Variants in PHACTR1 observed in about 807,000 individuals in gnomAD.
PHACTR1 encodes the protein phosphatase and actin regulator 1, also known as RPEL repeat containing 1.
A neutral mutation model predicts 69.2 loss-of-function variants in PHACTR1; 16 were observed. The observed-to-expected ratio is 0.23, with a 90% CI of 0.16 to 0.35. PHACTR1 has a LOEUF of 0.35. PHACTR1 is among the 10% of genes least tolerant of loss of function. The pLI is 1.00. For synonymous variants in PHACTR1, 312 were observed against 284.5 expected (o/e 1.10, Z -0.97); for missense variants, 510 against 734.7 (o/e 0.69, Z 3.54).
chr6:13,047,808 G>T (rs1392895906), intron 4 of PHACTR1, among the ~76,000 whole-genome samples: 4 of 151,886 alleles, frequency 2.6e-5, no homozygotes, highest in Admixed American at 2.6e-4. Flanking sequence ...GAAAGCCAAG[G>T]TGATGCCATC....
chr6:12,801,410 TGGC>T (rs1773682713), intron 4 of PHACTR1, among the ~76,000 whole-genome samples: 1 of 152,210 alleles, frequency 6.6e-6, no homozygotes. Context: ...ATGTATGGCT[TGGC>T]CATCTCATTA....
intron 3 of PHACTR1, among the ~76,000 whole-genome samples, chr6:12,747,530 G>C (rs1765950247): frequency 3.3e-5 from 5 of 152,038 alleles, no homozygotes; most frequent in South Asian, 2.1e-4. Flanking sequence ...GTTGGGCATG[G>C]TGGTGCATGC....
chr6:12,791,133 A>G (rs1290331854), intron 4 of PHACTR1, among the ~76,000 whole-genome samples: 1 of 152,184 alleles, frequency 6.6e-6, no homozygotes, highest in Non-Finnish European at 1.5e-5. Context: ...AGGAAAGACA[A>G]ATGTCCCAGA....
chr6:13,089,882 T>C (rs1366018954), intron 5 of PHACTR1, among the ~76,000 whole-genome samples: 1 of 152,202 alleles, frequency 6.6e-6, no homozygotes, highest in East Asian at 1.9e-4. Context: ...CTGTAGCATC[T>C]GCATCACTTG....
At chr6:13,256,321 G>C (rs1775190989) in intron 10 of PHACTR1, among the ~76,000 whole-genome samples, 1 of 152,238 alleles carries the variant, frequency 6.6e-6, no homozygotes, top group Non-Finnish European at 1.5e-5. Flanking sequence ...GCCTGTGATG[G>C]GAGGAGCTGC....
At chr6:13,076,666 A>G (rs890215590) in intron 5 of PHACTR1, among the ~76,000 whole-genome samples, 1 of 151,926 alleles carries the variant, frequency 6.6e-6, no homozygotes, top group East Asian at 1.9e-4. Context: ...TGGAGTGGAG[A>G]TGGCAACAGA....
intron 5 of PHACTR1, among the ~76,000 whole-genome samples, chr6:13,068,044 C>T (rs998970772): frequency 8.5e-5 from 13 of 152,168 alleles, no homozygotes; most frequent in African/African-American, 2.4e-4. Flanking sequence ...AGGCTAGGCA[C>T]GGTGGCTCAC....
At chr6:13,154,461 C>T (rs772677124) in intron 5 of PHACTR1, among the ~76,000 whole-genome samples, 4 of 152,074 alleles carry the variant, frequency 2.6e-5, no homozygotes, top group Admixed American at 6.5e-5. Flanking sequence ...CCCAGCCTGC[C>T]GTGTATTTTA....
chr6:12,845,431 C>CA lies in PHACTR1; in HGVS notation c.250+95641_250+95642insA, dbSNP rs1554149752. Among the ~76,000 whole-genome samples, 24 of 39,648 alleles carry CA rather than the reference C, an allele frequency of 6.1e-4. 3 individuals are homozygous for CA. Among genetic ancestry groups the CA allele is most frequent in the African/African-American group, 1.9e-3 (20 of 10,772 alleles). 26.0% of individuals were successfully genotyped at this position (39,648 alleles called of 152,430 possible). Reference sequence around the variant, plus strand: ...AGATGTCATTGTGAACACCACCCACCCCCCCCCCCCCCGCCCTCCGTGCTG... The same window carrying CA: ...AGATGTCATTGTGAACACCACCCACCACCCCCCCCCCCCGCCCTCCGTGCTG... On this transcript the variant is annotated intron_variant, in intron 4 of 14. Transcript: ENST00000332995.
intron 4 of PHACTR1, among the ~76,000 whole-genome samples, chr6:13,044,700 G>T (rs930952244): frequency 6.6e-6 from 1 of 152,182 alleles, no homozygotes; most frequent in Non-Finnish European, 1.5e-5. Context: ...TTAGGTGGTA[G>T]ATTCCGGATC....
intron 4 of PHACTR1, among the ~76,000 whole-genome samples, chr6:12,864,015 G>T (rs1339163021): frequency 6.6e-6 from 1 of 152,148 alleles, no homozygotes; most frequent in East Asian, 1.9e-4. Context: ...TGTGAATCTG[G>T]TACCATGTGA....
intron 4 of PHACTR1, among the ~76,000 whole-genome samples, chr6:12,782,945 C>G (rs758233829): frequency 6.6e-6 from 1 of 152,168 alleles, no homozygotes; most frequent in Non-Finnish European, 1.5e-5. Flanking sequence ...TGTGTTCAAC[C>G]TATATTATTC....
At chr6:13,010,746 G>A (rs1799357430) in intron 4 of PHACTR1, among the ~76,000 whole-genome samples, 1 of 151,994 alleles carries the variant, frequency 6.6e-6, no homozygotes, top group South Asian at 2.1e-4. Context: ...GGGATGGGAA[G>A]GAGACTGTCA....
At chr6:12,798,928 A>G (rs1773397720) in intron 4 of PHACTR1, among the ~76,000 whole-genome samples, 1 of 152,210 alleles carries the variant, frequency 6.6e-6, no homozygotes, top group South Asian at 2.1e-4. Context: ...TTTCTCCAAG[A>G]ACCAAATTCC....
chr6:12,730,702 G>A (rs1046837666), intron 3 of PHACTR1, among the ~76,000 whole-genome samples: 13 of 152,080 alleles, frequency 8.5e-5, no homozygotes, highest in African/African-American at 3.1e-4. Context: ...CATTACCCAG[G>A]TATTAAGCCT....
chr6:12,872,926 T>C (rs1011641079), intron 4 of PHACTR1, among the ~76,000 whole-genome samples: 1 of 152,134 alleles, frequency 6.6e-6, no homozygotes, highest in Non-Finnish European at 1.5e-5. Context: ...TCCTCCCTTC[T>C]TTCTTTCTTT....
chr6:12,888,320 A>G (rs1246127245), intron 4 of PHACTR1, among the ~76,000 whole-genome samples: 2 of 152,100 alleles, frequency 1.3e-5, no homozygotes, highest in African/African-American at 2.4e-5. Flanking sequence ...CTCACCAGAC[A>G]CCAAACCTGT....
chr6:13,124,396 A>G (rs1475283531), intron 5 of PHACTR1, among the ~76,000 whole-genome samples: 2 of 152,224 alleles, frequency 1.3e-5, no homozygotes, highest in African/African-American at 4.8e-5. Context: ...CTATAATACA[A>G]AATCATCCGA....
intron 4 of PHACTR1, among the ~76,000 whole-genome samples, chr6:12,947,398 A>G (rs1055922728): frequency 6.6e-6 from 1 of 151,174 alleles, no homozygotes; most frequent in African/African-American, 2.4e-5. Flanking sequence ...ACATCAGTTA[A>G]TGTAGAGGGA....
Sources: gnomAD v4.1 joint callset for allele counts (sites outside exome capture counted in the v4.1 genomes callset) on GRCh38, gnomAD v4.1.1 for gene constraint, MANE v1.5 for transcripts, NCBI Gene and HGNC (gene_info 2026-07-23, HGNC 2026-07-21) for gene names.